The following EIF3E variants were observed in gnomAD, a reference collection of about 807,000 sequenced individuals.
EIF3E encodes eukaryotic translation initiation factor 3 subunit E.
EIF3E carries 25 observed loss-of-function variants against 59.3 expected under a neutral mutation model. The observed-to-expected ratio is 0.42, with a 90% CI of 0.31 to 0.59. EIF3E has a LOEUF of 0.59. Among genes scored for constraint, EIF3E ranks in the 20% least tolerant of loss-of-function variants. EIF3E has a pLI of 0.15. For synonymous variants in EIF3E, 176 were observed against 170.2 expected (o/e 1.03, Z -0.26); for missense variants, 317 against 534.3 (o/e 0.59, Z 4.01).
intron 7 of EIF3E, among the ~76,000 whole-genome samples, chr8:108,217,702 G>A (rs962181966): frequency 6.6e-6 from 1 of 152,118 alleles, no homozygotes; most frequent in Non-Finnish European, 1.5e-5. Context: ...TCAATCAAGA[G>A]GCTAATTATC....
At chr8:108,204,742 T>TAG (rs1440441943) in intron 10 of EIF3E, among the ~76,000 whole-genome samples, 12 of 103,812 alleles carry the variant, frequency 1.2e-4, no homozygotes, top group South Asian at 6.4e-4. Context: ...TATATATATA[T>TAG]ATATAGAGAG....
intron 9 of EIF3E, among the ~76,000 whole-genome samples, chr8:108,215,910 G>A (rs975157594): frequency 5.3e-5 from 8 of 152,038 alleles, no homozygotes; most frequent in Admixed American, 1.3e-4. Flanking sequence ...AGACACCGCC[G>A]TTATAAAATT....
At chr8:108,221,913 C>T (rs1815424400) in intron 7 of EIF3E, among the ~76,000 whole-genome samples, 1 of 152,106 alleles carries the variant, frequency 6.6e-6, no homozygotes, top group Admixed American at 6.6e-5. Context: ...ATTCTTTTCA[C>T]ATTTTTTTAG....
intron 5 of EIF3E, among the ~76,000 whole-genome samples, chr8:108,230,584 A>G (rs1425622171): frequency 1.3e-5 from 2 of 152,120 alleles, no homozygotes. Context: ...TTCCTTTCAA[A>G]TGTACTAAAT....
At chr8:108,248,508 G>T in intron 1 of EIF3E, 105 bp downstream of exon 1, 2 of 1,129,370 alleles carry the variant, frequency 1.8e-6, no homozygotes, top group South Asian at 1.4e-5. Flanking sequence ...CCAAACTCGC[G>T]ACCGCCTCGC....
At chr8:108,236,330 C>A in intron 3 of EIF3E, 127 bp from the exon 4 acceptor site, 5 of 628,524 alleles carry the variant, frequency 8.0e-6, no homozygotes, top group Non-Finnish European at 1.1e-5. Context: ...TAAAAGACTT[C>A]CAGAATAAAA....
At chr8:108,219,184 T>G (rs928414504) in intron 7 of EIF3E, among the ~76,000 whole-genome samples, 1 of 152,244 alleles carries the variant, frequency 6.6e-6, no homozygotes. Flanking sequence ...TATAGTGTGT[T>G]CAACTCATAG....
chr8:108,202,804 T>C (rs1182428283), intron 12 of EIF3E, among the ~76,000 whole-genome samples, 179 bp downstream of exon 12: 1 of 152,104 alleles, frequency 6.6e-6, no homozygotes, highest in Non-Finnish European at 1.5e-5. Flanking sequence ...TCAGTTTCTA[T>C]GTTTAATGCA....
chr8:108,248,661 CA>C lies in EIF3E; in HGVS notation c.41del (p.Leu14TrpfsTer5). 6.2e-7 allele frequency: 1 copy of C among 1,614,166 alleles called. No individual in the cohort carries two copies. The highest frequency in any genetic ancestry group is 8.5e-7 in the Non-Finnish European group (1 of 1,180,010). ...YDLTTRIAHF[L>X]DRHLVFPLLE... ...GAAGCGGAAAGACTAGATGCCGATC[CA>C]AAAAGTGCGCGATGCGAGTAGTCAA... On this transcript the variant is annotated frameshift_variant, in exon 1 of 13. Coordinates refer to ENST00000220849, the MANE Select transcript of EIF3E (RefSeq NM_001568.3). LOFTEE classifies it high-confidence loss of function.
At chr8:108,244,134 T>G (rs1354797416) in intron 1 of EIF3E, among the ~76,000 whole-genome samples, 1 of 152,264 alleles carries the variant, frequency 6.6e-6, no homozygotes, top group African/African-American at 2.4e-5. Context: ...TTAAAAATTT[T>G]GAAACAGAAA....
chr8:108,205,532 T>C (rs1198390359), intron 10 of EIF3E, among the ~76,000 whole-genome samples: 1 of 152,192 alleles, frequency 6.6e-6, no homozygotes, highest in African/African-American at 2.4e-5. Context: ...GTTTCTGTTA[T>C]CAGCAGTCAA....
intron 10 of EIF3E, among the ~76,000 whole-genome samples, chr8:108,210,868 T>C (rs560599904): frequency 0.013 from 1,973 of 152,262 alleles, 52 homozygotes; most frequent in African/African-American, 0.044. Context: ...GTCCTTGTGA[T>C]AGTTTGCTCA....
chr8:108,237,059 C>T lies in EIF3E; in HGVS notation c.324-856G>A, dbSNP rs76839545. On this transcript the variant is annotated intron_variant, in intron 3 of 12. Coordinates refer to ENST00000220849, the MANE Select transcript of EIF3E (RefSeq NM_001568.3). ...TAAATAAAAATTTAAAAATCATGTC[C>T]GATATACATGACAGCTATGCTACAT... Among the ~76,000 whole-genome samples, 1,276 of 152,020 alleles carry T rather than the reference C, an allele frequency of 8.4e-3. 15 individuals carry two copies. The highest frequency in any genetic ancestry group is 0.029 in the African/African-American group (1,204 of 41,460).
chr8:108,242,201 C>T (rs1293235471), intron 1 of EIF3E: 1 of 1,318,066 alleles, frequency 7.6e-7, no homozygotes, highest in South Asian at 1.2e-5. Flanking sequence ...CCCTACAAAC[C>T]ATCTCTTACC....
intron 7 of EIF3E, among the ~76,000 whole-genome samples, chr8:108,219,070 C>A (rs1017216746): frequency 6.6e-6 from 1 of 152,090 alleles, no homozygotes; most frequent in African/African-American, 2.4e-5. Context: ...CAGGCATGAG[C>A]CACTCCACTC....
intron 10 of EIF3E, among the ~76,000 whole-genome samples, chr8:108,209,287 G>T (rs1208741196): frequency 2.0e-5 from 3 of 151,988 alleles, no homozygotes; most frequent in Non-Finnish European, 2.9e-5. Flanking sequence ...GGAATAATAT[G>T]CCATAGTTAG....
At chr8:108,245,434 A>C (rs974760951) in intron 1 of EIF3E, among the ~76,000 whole-genome samples, 7 of 152,190 alleles carry the variant, frequency 4.6e-5, no homozygotes, top group South Asian at 2.1e-4. Flanking sequence ...GTGCCACTGC[A>C]CTCCAGCTTA....
chr8:108,205,020 A>G (rs1387623348), intron 10 of EIF3E, among the ~76,000 whole-genome samples: 1 of 152,104 alleles, frequency 6.6e-6, no homozygotes, highest in Non-Finnish European at 1.5e-5. Context: ...GTACCTACAT[A>G]TGCATGTAAA....
chr8:108,245,414 A>G (rs1815929311), intron 1 of EIF3E, among the ~76,000 whole-genome samples: 1 of 152,194 alleles, frequency 6.6e-6, no homozygotes, highest in South Asian at 2.1e-4. Flanking sequence ...GGCTGTAATG[A>G]GCTAAGATTG....
Sources: gnomAD v4.1 joint callset for allele counts (sites outside exome capture counted in the v4.1 genomes callset) on GRCh38, gnomAD v4.1.1 for gene constraint, MANE v1.5 for transcripts, NCBI Gene and HGNC (gene_info 2026-07-23, HGNC 2026-07-21) for gene names.